Variants in XRN2 observed in about 807,000 individuals in gnomAD.
The protein encoded by XRN2 is 5'-3' exoribonuclease 2.
A neutral mutation model predicts 138.5 loss-of-function variants in XRN2; 44 were observed. The ratio of observed to expected loss-of-function variants is 0.32; its 90% confidence interval spans 0.25 to 0.41. The LOEUF is 0.41. Ranked by LOEUF, XRN2 falls within the 10% of genes least tolerant of loss-of-function variation. The pLI, the probability that XRN2 is intolerant of heterozygous loss-of-function variation, is 1.00. For synonymous variants in XRN2, 354 were observed against 369.4 expected, an observed-to-expected ratio of 0.96 and a Z score of 0.48; for missense variants, 937 against 1,169.3, an observed-to-expected ratio of 0.80 and a Z score of 2.90.
Position 21,307,796 on chromosome 20 carries a change from TATG to T in XRN2, c.75+4326_75+4328del, listed in dbSNP as rs1167219259. Among the ~76,000 whole-genome samples the T allele has an allele frequency of 5.2e-5, 4 of 77,426 alleles. 1 individual carries two copies. Among genetic ancestry groups the T allele is most frequent in the African/African-American group, 1.4e-4 (4 of 28,366 alleles). 50.8% of individuals were successfully genotyped at this position (77,426 alleles called of 152,430 possible). ...CACTGACTGGTTTGCTTTCTGACCG[TATG>T]ATAAGTTTTCATTTTCTATAATTTT... On this transcript the variant is annotated intron_variant, in intron 1 of 29. Transcript: ENST00000377191.
At chr20:21,329,453 G>C (rs1372951761) in intron 4 of XRN2, among the ~76,000 whole-genome samples, 1 of 152,144 alleles carries the variant, frequency 6.6e-6, no homozygotes, top group Non-Finnish European at 1.5e-5. Flanking sequence ...ACAGTGTCTT[G>C]GCTCCGGATA....
rs367740478 is a variant in XRN2, at chr20:21,380,952, A to G, written c.2585-1042A>G. Among the ~76,000 whole-genome samples the G allele has an allele frequency of 3.6e-4, 55 of 152,338 alleles. No homozygotes were observed. The South Asian group carries it at 3.9e-3, about 11-fold the overall frequency. Reference sequence around the variant, plus strand: ...AGGCTGCCAGTTATGAGCTAGAATCATTGTGAGCAGCTAGATATTTTATTG... The same window carrying G: ...AGGCTGCCAGTTATGAGCTAGAATCGTTGTGAGCAGCTAGATATTTTATTG... On this transcript the variant is annotated intron_variant, in intron 27 of 29. Coordinates refer to ENST00000377191, the MANE Select transcript of XRN2 (RefSeq NM_012255.5).
intron 24 of XRN2, among the ~76,000 whole-genome samples, chr20:21,359,366 C>G (rs1405028291): frequency 1.3e-5 from 2 of 152,016 alleles, no homozygotes; most frequent in Admixed American, 1.3e-4. Flanking sequence ...GAAACCCTAT[C>G]TCTACTAAAA....
intron 24 of XRN2, among the ~76,000 whole-genome samples, chr20:21,359,873 C>T (rs1177892847): frequency 1.3e-5 from 2 of 151,820 alleles, no homozygotes; most frequent in Non-Finnish European, 2.9e-5. Context: ...TCTCTTTTGA[C>T]TCCTGGCATT....
chr20:21,324,811 T>C (rs2038101629), intron 1 of XRN2, among the ~76,000 whole-genome samples: 1 of 152,178 alleles, frequency 6.6e-6, no homozygotes, highest in Non-Finnish European at 1.5e-5. Context: ...AAATTTCTAT[T>C]TCTAACAGCT....
chr20:21,307,502 A>G lies in XRN2; in HGVS notation c.75+4029A>G, dbSNP rs1343479199. ...GCAGCTTTGTTGAGGTATACTTGAC[A>G]TAGAATAAACTGCAGGTAATTAAAG... On this transcript the variant is annotated intron_variant, in intron 1 of 29. Transcript: ENST00000377191. Among the ~76,000 whole-genome samples the G allele has an allele frequency of 6.5e-5, 5 of 77,030 alleles. 2 individuals are homozygous for G. Among genetic ancestry groups the G allele is most frequent in the African/African-American group, 1.8e-4 (5 of 28,112 alleles). The allele number at this position is 77,030 out of a possible 152,430, so 50.5% of individuals were successfully genotyped here. A position where few individuals can be genotyped will look rare whatever the true frequency, so the allele number is the denominator to read the frequency against.
chr20:21,379,522 G>A (rs892281124), intron 27 of XRN2, among the ~76,000 whole-genome samples: 2 of 152,124 alleles, frequency 1.3e-5, no homozygotes, highest in Non-Finnish European at 2.9e-5. Flanking sequence ...TGGAAAATTT[G>A]CTTAGGTTTT....
In XRN2 at chr20:21,346,568, T is replaced by G. The variant is rs187091349; in HGVS notation, c.1665+18T>G. 60 of 1,605,474 alleles carry G rather than the reference T, an allele frequency of 3.7e-5. No homozygotes were observed. The African/African-American group carries it at 5.9e-4, about 16-fold the overall frequency. ...ATTACCAGGTACAAAAAGAATATTT[T>G]CCTCTGAATTTGTAGTTAATCATTT... On this transcript the variant is annotated intron_variant, in intron 17 of 29. Transcript: ENST00000377191.
intron 26 of XRN2, 147 bp downstream of exon 26, chr20:21,365,851 TACATATA>T (rs2038688389): frequency 1.1e-5 from 1 of 92,550 alleles, no homozygotes; most frequent in Non-Finnish European, 2.4e-5. Flanking sequence ...AATATATAAT[TACATATA>T]TAATATATAA....
chr20:21,327,411 G>A (rs541197373), intron 3 of XRN2, among the ~76,000 whole-genome samples: 32 of 152,216 alleles, frequency 2.1e-4, no homozygotes, highest in Admixed American at 8.5e-4. Flanking sequence ...GCATCCTAGC[G>A]GCTAATGGGA....
chr20:21,303,391 G>A lies in XRN2; in HGVS notation c.-8G>A. On this transcript the variant is annotated 5_prime_UTR_variant, in exon 1 of 30. The change creates a new upstream start codon in the 5' untranslated region. Transcript: ENST00000377191. ...CCGGTCGGCCGCCGCCTCCAGCCGT[G>A]TGCCGCTATGGGAGTCCCGGCGTTC... 1 of 1,547,384 alleles carries A rather than the reference G, an allele frequency of 6.5e-7. No homozygotes were observed. The highest frequency in any genetic ancestry group is 8.7e-7 in the Non-Finnish European group (1 of 1,145,654).
chr20:21,379,058 G>C (rs1349239232), intron 27 of XRN2, among the ~76,000 whole-genome samples: 3 of 152,186 alleles, frequency 2.0e-5, no homozygotes, highest in Non-Finnish European at 4.4e-5. Flanking sequence ...TTTTTGACTA[G>C]TGCTATCAGT....
intron 1 of XRN2, among the ~76,000 whole-genome samples, chr20:21,319,846 G>T (rs1335991463): frequency 6.6e-6 from 1 of 151,684 alleles, no homozygotes; most frequent in East Asian, 1.9e-4. Context: ...ACCCCTTTTT[G>T]CTATTAGGGC....
At chr20:21,328,867 C>T (rs1169551994) in intron 4 of XRN2, among the ~76,000 whole-genome samples, 197 bp downstream of exon 4, 1 of 152,134 alleles carries the variant, frequency 6.6e-6, no homozygotes, top group African/African-American at 2.4e-5. Flanking sequence ...TTCAAACTCT[C>T]CAGTAAGAGG....
intron 27 of XRN2, among the ~76,000 whole-genome samples, chr20:21,369,343 C>G (rs539796307): frequency 5.9e-5 from 9 of 152,200 alleles, no homozygotes; most frequent in Non-Finnish European, 1.0e-4. Context: ...GCTTCCAAAT[C>G]TTGGCTACTG....
chr20:21,381,953 C>G, intron 27 of XRN2, 41 bp from the exon 28 acceptor site: 1 of 1,548,294 alleles, frequency 6.5e-7, no homozygotes, highest in Non-Finnish European at 8.7e-7. Flanking sequence ...ATATTGGTTA[C>G]TTTTAAAAAT....
In XRN2 at chr20:21,373,592, C is replaced by T. The variant is rs557992310; in HGVS notation, c.2584+5002C>T. Among the ~76,000 whole-genome samples the T allele has an allele frequency of 2.0e-5, 3 of 152,322 alleles. No homozygotes were observed. The South Asian group carries it at 6.2e-4, about 32-fold the overall frequency. On this transcript the variant is annotated intron_variant, in intron 27 of 29. Transcript: ENST00000377191. Reference sequence around the variant, plus strand: ...TCAGTTTGTATGAATTTACACTCCTCCAGCAGTGTAGGAGAGTTCTGGTTG... The same window carrying T: ...TCAGTTTGTATGAATTTACACTCCTTCAGCAGTGTAGGAGAGTTCTGGTTG...
In XRN2 at chr20:21,331,604, A is replaced by C; in HGVS notation, c.620A>C (p.Lys207Thr). 6.2e-7 allele frequency: 1 copy of C among 1,612,916 alleles called. No individual in the cohort carries two copies. ...AGTGCTCCTGGTGAAGGAGAACATAAAATCATGGATTACATTAGAAGGCAA... is the reference window on the plus strand; with the variant it reads ...AGTGCTCCTGGTGAAGGAGAACATACAATCATGGATTACATTAGAAGGCAA... Reference protein sequence around the residue: ...DASAPGEGEHKIMDYIRRQRA... With the variant: ...DASAPGEGEHTIMDYIRRQRA... The change falls in exon 7 of 30, where the codon AAA (lysine) becomes ACA (threonine). Residue 207 changes from lysine to threonine, a missense_variant. Around this residue, in one of 6 missense-constraint regions of XRN2, gnomAD observed 471 missense variants for 581.2 expected, o/e 0.81. Coordinates refer to ENST00000377191, the MANE Select transcript of XRN2 (RefSeq NM_012255.5).
intron 13 of XRN2, among the ~76,000 whole-genome samples, chr20:21,338,050 A>T (rs1414483266): frequency 1.3e-5 from 2 of 152,226 alleles, no homozygotes; most frequent in African/African-American, 4.8e-5. Context: ...ACTTTAGAGC[A>T]GGAGACTTAT....
Sources: allele counts gnomAD v4.1 joint callset (sites outside exome capture counted in the v4.1 genomes callset), GRCh38; gene constraint gnomAD v4.1.1; regional missense constraint gnomAD v4.1.1; transcripts MANE v1.5; gene names NCBI Gene and HGNC (gene_info 2026-07-23, HGNC 2026-07-21).